FRMD6: variants seen among roughly 807,000 people sequenced by gnomAD.
FRMD6 encodes FERM domain containing 6.
A neutral mutation model predicts 73.2 loss-of-function variants in FRMD6; 37 were observed. That is an observed-to-expected ratio of 0.51 (90% confidence interval 0.39 to 0.66). The LOEUF is 0.66. FRMD6 is among the 30% of genes least tolerant of loss of function. The probability of loss-of-function intolerance (pLI) is 0.00; values close to 1 mark genes in which losing one functional copy is unlikely to be tolerated. For missense variants in FRMD6, 714 were observed against 780.5 expected (o/e 0.91, Z 1.02); for synonymous variants, 273 against 282.2 (o/e 0.97, Z 0.33).
the FRMD6 span, among the ~76,000 whole-genome samples, chr14:51,470,587 C>T: frequency 1.3e-5 from 2 of 151,914 alleles, no homozygotes; most frequent in African/African-American, 2.4e-5. Flanking sequence ...TATTTCTGCT[C>T]TTATCTTTAT....
chr14:51,695,922 G>T (rs1003967778), intron 2 of FRMD6, among the ~76,000 whole-genome samples: 4 of 151,956 alleles, frequency 2.6e-5, no homozygotes, highest in Non-Finnish European at 5.9e-5. Flanking sequence ...GGATCTTGGC[G>T]TGTCTTTATT....
chr14:51,423,920 A>G, the FRMD6 span, among the ~76,000 whole-genome samples: 1 of 152,246 alleles, frequency 6.6e-6, no homozygotes, highest in Admixed American at 6.5e-5. Context: ...AGGAAGTAAA[A>G]TGTATAATTC....
At chr14:51,655,604 G>A (rs990206712) in intron 1 of FRMD6, among the ~76,000 whole-genome samples, 3 of 152,136 alleles carry the variant, frequency 2.0e-5, no homozygotes, top group African/African-American at 7.2e-5. Flanking sequence ...TGAGAGGAAC[G>A]AGGAAGTGGA....
At chr14:51,497,248 T>C (rs984582870) in intron 1 of FRMD6, among the ~76,000 whole-genome samples, 40 of 152,186 alleles carry the variant, frequency 2.6e-4, no homozygotes, top group African/African-American at 9.6e-4. Context: ...TTTTTTTTTT[T>C]TTTTAAGAAA....
At chr14:51,703,488 G>T (rs902360748) in intron 5 of FRMD6, among the ~76,000 whole-genome samples, 6 of 151,760 alleles carry the variant, frequency 4.0e-5, no homozygotes, top group Admixed American at 6.6e-5. Flanking sequence ...TTTAAAAAAG[G>T]CTAAGACACT....
the FRMD6 span, among the ~76,000 whole-genome samples, chr14:51,402,594 CT>C: frequency 6.6e-6 from 1 of 151,972 alleles, no homozygotes; most frequent in Non-Finnish European, 1.5e-5. Context: ...CATTAAACCT[CT>C]TTCTTTTGTA....
At chr14:51,643,993 A>G (rs1452932888) in intron 2 of FRMD6, among the ~76,000 whole-genome samples, 2 of 152,232 alleles carry the variant, frequency 1.3e-5, no homozygotes, top group Non-Finnish European at 2.9e-5. Flanking sequence ...TTATTAAGAA[A>G]TTAATAATTA....
At chr14:51,670,953 A>T (rs762283334) in intron 1 of FRMD6, among the ~76,000 whole-genome samples, 1 of 152,140 alleles carries the variant, frequency 6.6e-6, no homozygotes, top group Non-Finnish European at 1.5e-5. Flanking sequence ...GGCGGTTTGT[A>T]TGTTTTATCA....
At chr14:51,533,931 T>C (rs1566798011) in intron 1 of FRMD6, among the ~76,000 whole-genome samples, 3 of 152,244 alleles carry the variant, frequency 2.0e-5, no homozygotes, top group Admixed American at 2.0e-4. Flanking sequence ...CTTTTATCTC[T>C]TTCAATTATA....
chr14:51,663,790 T>A (rs1262059182), intron 1 of FRMD6, among the ~76,000 whole-genome samples: 1 of 152,210 alleles, frequency 6.6e-6, no homozygotes, highest in African/African-American at 2.4e-5. Context: ...TAGCTTATGG[T>A]TTGGGGGCCC....
chr14:51,496,935 G>T (rs562843930), intron 1 of FRMD6, among the ~76,000 whole-genome samples: 1 of 152,132 alleles, frequency 6.6e-6, no homozygotes, highest in Non-Finnish European at 1.5e-5. Flanking sequence ...CCAGAAATGA[G>T]ATTTGCCTTC....
chr14:51,525,108 T>C (rs563681322), intron 1 of FRMD6, among the ~76,000 whole-genome samples: 4 of 150,030 alleles, frequency 2.7e-5, no homozygotes, highest in Admixed American at 2.0e-4. Flanking sequence ...GATAGATAGA[T>C]AGATAGATAG....
chr14:51,644,437 T>C (rs1891970974), intron 2 of FRMD6, among the ~76,000 whole-genome samples: 1 of 151,788 alleles, frequency 6.6e-6, no homozygotes, highest in Non-Finnish European at 1.5e-5. Context: ...CTACGTGTAA[T>C]TTATGGGATT....
At position 51,715,435 on chromosome 14, in the gene FRMD6, C is replaced by T; in HGVS notation, c.960C>T (p.Ser320=). 6.2e-7 allele frequency: 1 copy of T among 1,613,932 alleles called. No homozygotes were observed. ...ACCTCCTGCAACTTCTGAGCAACAG[C>T]CACCGCCTCTATATGAATCTGCAGC... is the stretch of plus-strand genomic sequence containing the variant. ...SRHLLQLLSN[S]HRLYMNLQPV... is the part of the protein sequence containing the mutation. Residue 320 remains serine, a synonymous_variant, in exon 10 of 14, where the codon AGC becomes AGT. Transcript: ENST00000344768.
intron 2 of FRMD6, among the ~76,000 whole-genome samples, chr14:51,611,679 G>A (rs532646674): frequency 4.9e-4 from 74 of 152,170 alleles, no homozygotes; most frequent in Non-Finnish European, 7.8e-4. Context: ...CAGATGATGC[G>A]CATGCTGTCA....
the FRMD6 span, among the ~76,000 whole-genome samples, chr14:51,412,153 T>C: frequency 6.6e-6 from 1 of 152,218 alleles, no homozygotes; most frequent in Non-Finnish European, 1.5e-5. Context: ...TTCACACTTT[T>C]TGTCGGAGGC....
At chr14:51,496,773 C>T (rs1033940611) in intron 1 of FRMD6, among the ~76,000 whole-genome samples, 2 of 152,192 alleles carry the variant, frequency 1.3e-5, no homozygotes, top group Non-Finnish European at 2.9e-5. Context: ...TATTTGCATT[C>T]TTCCCATATG....
the FRMD6 span, among the ~76,000 whole-genome samples, chr14:51,443,943 G>T: frequency 6.4e-5 from 9 of 140,724 alleles, no homozygotes; most frequent in South Asian, 4.5e-4. Flanking sequence ...CAAGTTGTGA[G>T]TTTTTTTTTT....
chr14:51,417,002 G>T, the FRMD6 span, among the ~76,000 whole-genome samples: 84 of 151,536 alleles, frequency 5.5e-4, no homozygotes, highest in African/African-American at 1.8e-3. Context: ...CTTTCCATTT[G>T]CTTGGTAGAT....
Sources: allele counts gnomAD v4.1 joint callset (sites outside exome capture counted in the v4.1 genomes callset), GRCh38; gene constraint gnomAD v4.1.1; transcripts MANE v1.5; gene names NCBI Gene and HGNC (gene_info 2026-07-23, HGNC 2026-07-21).